Variants in ALMS1 observed in about 807,000 individuals in gnomAD.
ALMS1 encodes the protein centrosome-associated protein ALMS1.
In ALMS1, 271 loss-of-function variants were observed where a neutral mutation model predicts 352.2. That is an observed-to-expected ratio of 0.77 (90% CI 0.70 to 0.85). The LOEUF (loss-of-function observed/expected upper bound fraction) is 0.85. ALMS1 is among the 40% of genes least tolerant of loss of function. The pLI, the probability that ALMS1 is intolerant of heterozygous loss-of-function variation, is 0.00. For synonymous variants in ALMS1, 1,865 were observed against 1,761.2 expected (o/e 1.06, Z -1.48); for missense variants, 5,445 against 4,870.7 (o/e 1.12, Z -3.51).
chr2:73,409,251 G>T (rs1461154694), intron 2 of ALMS1, among the ~76,000 whole-genome samples: 1 of 151,672 alleles, frequency 6.6e-6, no homozygotes, highest in Admixed American at 6.6e-5. Context: ...TTTTGAAGGC[G>T]GGTCTCAGGA....
chr2:73,587,187 A>G (rs1314845729), intron 16 of ALMS1, among the ~76,000 whole-genome samples: 1 of 152,210 alleles, frequency 6.6e-6, no homozygotes, highest in African/African-American at 2.4e-5. Context: ...ATGAGTCTTT[A>G]GGATTTTCTA....
intron 1 of ALMS1, among the ~76,000 whole-genome samples, chr2:73,392,261 TGTGTGTG>T (rs1670666490): frequency 1.5e-3 from 1 of 686 alleles, no homozygotes; most frequent in East Asian, 0.5. Context: ...TTTACTTTGA[TGTGTGTG>T]TGTGTGTGTG....
chr2:73,402,619 G>A (rs1184332042), intron 1 of ALMS1, among the ~76,000 whole-genome samples: 2 of 152,082 alleles, frequency 1.3e-5, no homozygotes, highest in South Asian at 2.1e-4. Flanking sequence ...TTGCTGCACT[G>A]GTTTACATTG....
At chr2:73,590,087 A>G (rs1675393530) in intron 16 of ALMS1, among the ~76,000 whole-genome samples, 1 of 151,718 alleles carries the variant, frequency 6.6e-6, no homozygotes, top group Non-Finnish European at 1.5e-5. Flanking sequence ...TGTCTTGAAC[A>G]TCTAGAGTAT....
chr2:73,474,953 C>G (rs1672553575), intron 9 of ALMS1, among the ~76,000 whole-genome samples: 1 of 152,086 alleles, frequency 6.6e-6, no homozygotes, highest in African/African-American at 2.4e-5. Flanking sequence ...TCTCCCAATT[C>G]TTTTTTGCCA....
At chr2:73,413,109 G>T (rs1389117228) in intron 2 of ALMS1, among the ~76,000 whole-genome samples, 4 of 150,092 alleles carry the variant, frequency 2.7e-5, no homozygotes, top group Middle Eastern at 3.4e-3. Context: ...GTGCTTATTT[G>T]CCCTCCATGT....
intron 10 of ALMS1, among the ~76,000 whole-genome samples, chr2:73,495,866 T>C (rs1673095481): frequency 6.6e-6 from 1 of 152,180 alleles, no homozygotes; most frequent in Non-Finnish European, 1.5e-5. Flanking sequence ...GTAATATATT[T>C]ACCCTAATAT....
chr2:73,570,665 A>G (rs1316763211), intron 15 of ALMS1, among the ~76,000 whole-genome samples: 2 of 118,366 alleles, frequency 1.7e-5, no homozygotes, highest in African/African-American at 8.1e-5. Flanking sequence ...TAGAAGAGAG[A>G]TATGATAGGG....
intron 9 of ALMS1, among the ~76,000 whole-genome samples, chr2:73,483,427 G>C (rs1195242423): frequency 6.6e-6 from 1 of 151,776 alleles, no homozygotes; most frequent in Non-Finnish European, 1.5e-5. Flanking sequence ...ATTGCACTGT[G>C]GTCTGAGAGA....
At chr2:73,526,620 T>C (rs1341399962) in intron 11 of ALMS1, among the ~76,000 whole-genome samples, 1 of 152,192 alleles carries the variant, frequency 6.6e-6, no homozygotes. Context: ...GTGAACTGAT[T>C]TTTGTATGTT....
rs1572971560 is a variant in ALMS1, at chr2:73,492,435, ATGT to A, written c.9539+942_9539+944del. Reference sequence around the variant, plus strand: ...ACTGGGAAATCTTTTGTGCCAAAAGATGTTGTTTGTGGGCAAGAGAAAGAGCAT... The same window carrying A: ...ACTGGGAAATCTTTTGTGCCAAAAGATGTTTGTGGGCAAGAGAAAGAGCAT... On this transcript the variant is annotated intron_variant, in intron 10 of 22. Coordinates refer to ENST00000613296, the MANE Select transcript of ALMS1 (RefSeq NM_001378454.1). Among the ~76,000 whole-genome samples, 3 of 152,262 alleles carry A rather than the reference ATGT, an allele frequency of 2.0e-5. No individual in the cohort carries two copies. The South Asian group carries it at 6.2e-4, about 32-fold the overall frequency.
At chr2:73,599,250 G>T in intron 16 of ALMS1, 151 bp from the exon 17 acceptor site, 1 of 973,056 alleles carries the variant, frequency 1.0e-6, no homozygotes, top group Admixed American at 1.8e-5. Flanking sequence ...ACAGATACAA[G>T]GCAGCAAGTT....
chr2:73,435,098 T>C (rs1289218098), intron 7 of ALMS1, among the ~76,000 whole-genome samples: 2 of 152,266 alleles, frequency 1.3e-5, no homozygotes, highest in African/African-American at 4.8e-5. Flanking sequence ...GTTTATCTTT[T>C]AAAATCCCTC....
chr2:73,471,003 C>T (rs965029785), intron 9 of ALMS1: 1 of 151,800 alleles, frequency 6.6e-6, no homozygotes, highest in African/African-American at 2.4e-5. Flanking sequence ...AAGTGAGTCT[C>T]TTCTAGATAG....
At chr2:73,581,797 T>C (rs1675186245) in intron 16 of ALMS1, among the ~76,000 whole-genome samples, 1 of 151,722 alleles carries the variant, frequency 6.6e-6, no homozygotes, top group Non-Finnish European at 1.5e-5. Flanking sequence ...CAGCCTGGAG[T>C]GCAGTGGCAC....
intron 15 of ALMS1, among the ~76,000 whole-genome samples, chr2:73,569,243 G>A (rs895256089): frequency 1.3e-5 from 2 of 151,794 alleles, no homozygotes; most frequent in South Asian, 2.1e-4. Flanking sequence ...TTGAACTCCT[G>A]ACCTCAAGTA....
At chr2:73,493,298 A>G (rs1468257216) in intron 10 of ALMS1, among the ~76,000 whole-genome samples, 1 of 151,574 alleles carries the variant, frequency 6.6e-6, no homozygotes. Context: ...TGGAGGTGGC[A>G]TTTGAACCTA....
chr2:73,540,311 G>A (rs1407092947), intron 12 of ALMS1, among the ~76,000 whole-genome samples: 4 of 152,280 alleles, frequency 2.6e-5, no homozygotes, highest in Middle Eastern at 3.4e-3. Flanking sequence ...TTACAGACAA[G>A]CAAATGCTGA....
chr2:73,414,016 C>G (rs891066394), intron 2 of ALMS1, among the ~76,000 whole-genome samples: 2 of 152,036 alleles, frequency 1.3e-5, no homozygotes, highest in Non-Finnish European at 2.9e-5. Flanking sequence ...CTTGGAATTT[C>G]TATATAAATT....
Sources: gnomAD v4.1 joint callset for allele counts (sites outside exome capture counted in the v4.1 genomes callset) on GRCh38, gnomAD v4.1.1 for gene constraint, MANE v1.5 for transcripts, NCBI Gene and HGNC (gene_info 2026-07-23, HGNC 2026-07-21) for gene names.